The following KCNJ10 variants were observed in gnomAD, a reference collection of about 807,000 sequenced individuals.
KCNJ10 encodes the protein ATP-sensitive inward rectifier potassium channel 10.
A neutral mutation model predicts 22.2 loss-of-function variants in KCNJ10; 9 were observed. The ratio of observed to expected loss-of-function variants is 0.40; its 90% CI spans 0.24 to 0.71. The LOEUF (loss-of-function observed/expected upper bound fraction) is 0.71, where lower values mean the gene tolerates loss of function less well. Ranked by LOEUF, KCNJ10 falls within the 30% of genes least tolerant of loss-of-function variation. The pLI is 0.35. For synonymous variants in KCNJ10, 184 were observed against 187.3 expected (o/e 0.98, Z 0.15); for missense variants, 337 against 482.7 (o/e 0.70, Z 2.83).
chr1:160,050,442 A>T (rs1186089507), intron 1 of KCNJ10, among the ~76,000 whole-genome samples: 8 of 151,526 alleles, frequency 5.3e-5, no homozygotes, highest in Admixed American at 4.6e-4. Flanking sequence ...CTCAGTAAAC[A>T]TTTTTTTTTC....
At position 160,039,675 on chromosome 1, in the gene KCNJ10, A is replaced by G. The variant is rs748999196; in HGVS notation, c.*1718T>C. 2.6e-5 allele frequency: 4 copies of G among 152,220 alleles called. No homozygotes were observed. Among genetic ancestry groups the G allele is most frequent in the Non-Finnish European group, 5.9e-5 (4 of 68,064 alleles). 9.4% of individuals were successfully genotyped at this position (152,220 alleles called of 1,614,324 possible). On this transcript the variant is annotated 3_prime_UTR_variant, in exon 2 of 2. Transcript: ENST00000644903. ...GATCAATATAACAAGACCTTGTGCA[A>G]TTATAGTTGGTGGTGATCATGGGTC...
chr1:160,040,311 G>A lies in KCNJ10; in HGVS notation c.*1082C>T, dbSNP rs1477307951. 8 of 380,760 alleles carry A rather than the reference G, an allele frequency of 2.1e-5. 1 individual carries two copies. Among genetic ancestry groups the A allele is most frequent in the South Asian group, 1.5e-4 (1 of 6,866 alleles). 23.6% of individuals were successfully genotyped at this position (380,760 alleles called of 1,614,324 possible). A position where few individuals can be genotyped will look rare whatever the true frequency, so the allele number is the denominator to read the frequency against. On this transcript the variant is annotated 3_prime_UTR_variant, in exon 2 of 2. Coordinates refer to ENST00000644903, the MANE Select transcript of KCNJ10 (RefSeq NM_002241.5). ...TTTACCCATCCCTCATGGTGGGATT[G>A]TGTTAACTTTCTGGGGAATCTGTGC...
chr1:160,054,769 G>A lies in KCNJ10; in HGVS notation c.1-12237C>T, dbSNP rs972702571. Among the ~76,000 whole-genome samples, 57 of 2,038 alleles carry A rather than the reference G, an allele frequency of 0.028. 2 individuals carry two copies. The Admixed American group carries it at 0.35, about 12-fold the overall frequency. The allele number at this position is 2,038 out of a possible 152,430, so 1.3% of individuals were successfully genotyped here. A position where few individuals can be genotyped will look rare whatever the true frequency, so the allele number is the denominator to read the frequency against. ...CATCCCCAACTTATCTCCAAAGACT[G>A]CTGGTTGAGGGGATCAACCTAGTTT... On this transcript the variant is annotated intron_variant, in intron 1 of 1. Coordinates refer to ENST00000644903, the MANE Select transcript of KCNJ10 (RefSeq NM_002241.5).
Position 160,040,342 on chromosome 1 carries a change from G to T in KCNJ10, c.*1051C>A, listed in dbSNP as rs1193261443. ...ACTTTCTGGGGAATCTGTGCCCTGT[G>T]AATCTAGTTTTACTTGAGCATCCGT... On this transcript the variant is annotated 3_prime_UTR_variant, in exon 2 of 2. Transcript: ENST00000644903. 5.1e-6 allele frequency: 2 copies of T among 390,726 alleles called. No homozygotes were observed. Among genetic ancestry groups the T allele is most frequent in the Non-Finnish European group, 9.0e-6 (2 of 221,802 alleles). 24.2% of individuals were successfully genotyped at this position (390,726 alleles called of 1,614,324 possible).
At position 160,041,703 on chromosome 1, in the gene KCNJ10, A is replaced by G. The variant is rs749767905; in HGVS notation, c.830T>C (p.Phe277Ser). The change falls in exon 2 of 2, where the codon TTT becomes TCT. Residue 277 changes from phenylalanine (F) to serine (S), a missense_variant. By Grantham distance (155) the Phe-to-Ser change is radical. This residue lies in a region of KCNJ10 where 165 missense variants were observed against 281.5 expected (regional missense o/e 0.59). Coordinates refer to ENST00000644903, the MANE Select transcript of KCNJ10 (RefSeq NM_002241.5). The surrounding 1 kb of genome is among the most constrained non-coding windows in gnomAD (Gnocchi z 4.4). ...CCCACTTAGGATCAGCACCAGCTCA[A>G]AGTCACCCTCACCACTGCGAAGAGG... ...DLPLRSGEGD[F>S]ELVLILSGTV... 1 of 1,614,146 alleles carries G rather than the reference A, an allele frequency of 6.2e-7. No individual in the cohort carries two copies. Among genetic ancestry groups the G allele is most frequent in the African/African-American group, 1.3e-5 (1 of 75,032 alleles).
At chr1:160,054,019 C>A (rs1019292151) in intron 1 of KCNJ10, among the ~76,000 whole-genome samples, 1 of 152,162 alleles carries the variant, frequency 6.6e-6, no homozygotes, top group Non-Finnish European at 1.5e-5. Context: ...CCAAGCGGTG[C>A]CTTCTGTCCC....
intron 1 of KCNJ10, among the ~76,000 whole-genome samples, chr1:160,045,809 G>A (rs1033397778): frequency 3.3e-5 from 5 of 152,232 alleles, no homozygotes; most frequent in Admixed American, 6.5e-5. Flanking sequence ...TATAATGAAT[G>A]TGTGCAAATA....
intron 1 of KCNJ10, among the ~76,000 whole-genome samples, chr1:160,067,283 G>A (rs933448850): frequency 6.6e-6 from 1 of 152,168 alleles, no homozygotes; most frequent in Non-Finnish European, 1.5e-5. Flanking sequence ...GGGGAGGGGA[G>A]GAAGAGGGGC....
intron 1 of KCNJ10, among the ~76,000 whole-genome samples, chr1:160,060,726 T>C (rs2101934015): frequency 6.6e-6 from 1 of 152,270 alleles, no homozygotes; most frequent in Admixed American, 6.5e-5. Context: ...CTTCCCTTTT[T>C]AGGGCATCTG....
At chr1:160,060,326 C>T (rs1484586480) in intron 1 of KCNJ10, among the ~76,000 whole-genome samples, 1 of 152,212 alleles carries the variant, frequency 6.6e-6, no homozygotes, top group East Asian at 1.9e-4. Context: ...AAGTTACATA[C>T]ATTGAGCAGT....
chr1:160,041,870 G>A lies in KCNJ10; in HGVS notation c.663C>T (p.His221=), dbSNP rs747184756. Residue 221 remains histidine (H), a synonymous_variant, in exon 2 of 2, where the codon CAC becomes CAT. Transcript: ENST00000644903. The surrounding 1 kb of genome is among the most constrained non-coding windows in gnomAD (Gnocchi z 4.4). ...GGATGTTCTCCCCTTCCTTGGTTTG[G>A]TGGGTCTGAAGCAGTTTTCCTGTCA... ...CQVTGKLLQT[H]QTKEGENIRL... is the part of the protein sequence containing the mutation. 6.2e-7 allele frequency: 1 copy of A among 1,614,198 alleles called. No homozygotes were observed. Among genetic ancestry groups the A allele is most frequent in the South Asian group, 1.1e-5 (1 of 91,088 alleles).
chr1:160,056,492 A>G (rs1025950969), intron 1 of KCNJ10, among the ~76,000 whole-genome samples: 5 of 150,816 alleles, frequency 3.3e-5, no homozygotes, highest in South Asian at 4.2e-4. Flanking sequence ...CTGCTCCAAG[A>G]CTCCCCTCCA....
intron 1 of KCNJ10, among the ~76,000 whole-genome samples, chr1:160,050,741 C>A (rs942968177): frequency 6.6e-6 from 1 of 152,060 alleles, no homozygotes; most frequent in Non-Finnish European, 1.5e-5. Flanking sequence ...GCGTTGGGAG[C>A]ACATGAAAGA....
intron 1 of KCNJ10, among the ~76,000 whole-genome samples, chr1:160,053,607 A>AGTGT (rs58451151): frequency 9.4e-5 from 14 of 149,254 alleles, no homozygotes; most frequent in African/African-American, 2.2e-4. Flanking sequence ...AAAAGAGGGC[A>AGTGT]GTGTGTGTGT....
intron 1 of KCNJ10, among the ~76,000 whole-genome samples, chr1:160,049,070 G>C (rs543112178): frequency 6.6e-6 from 1 of 152,092 alleles, no homozygotes; most frequent in African/African-American, 2.4e-5. Context: ...CTTGTTTTAC[G>C]AATGAGGAAA....
intron 1 of KCNJ10, among the ~76,000 whole-genome samples, chr1:160,062,244 C>T (rs1402087867): frequency 1.7e-4 from 26 of 151,994 alleles, no homozygotes; most frequent in Admixed American, 5.2e-4. Context: ...CTGGGCCCTC[C>T]GGACACTGGG....
chr1:160,046,835 C>G (rs748062222), intron 1 of KCNJ10, among the ~76,000 whole-genome samples: 1 of 152,174 alleles, frequency 6.6e-6, no homozygotes, highest in Non-Finnish European at 1.5e-5. Flanking sequence ...CCCCGGGGCA[C>G]CCCCGCAAAA....
chr1:160,056,735 G>A (rs554675449), intron 1 of KCNJ10, among the ~76,000 whole-genome samples: 1 of 152,228 alleles, frequency 6.6e-6, no homozygotes, highest in Non-Finnish European at 1.5e-5. Flanking sequence ...TAACCTAATT[G>A]GTTAGTAAAG....
At chr1:160,053,739 C>A (rs1648958268) in intron 1 of KCNJ10, among the ~76,000 whole-genome samples, 1 of 152,134 alleles carries the variant, frequency 6.6e-6, no homozygotes, top group Non-Finnish European at 1.5e-5. Context: ...GACATCGAGG[C>A]CCTGGCCCAT....
Sources: allele counts gnomAD v4.1 joint callset (sites outside exome capture counted in the v4.1 genomes callset), GRCh38; gene constraint gnomAD v4.1.1; regional missense constraint gnomAD v4.1.1; non-coding constraint Gnocchi (gnomAD v3.1); transcripts MANE v1.5; gene names NCBI Gene and HGNC (gene_info 2026-07-23, HGNC 2026-07-21).